C11orf87: variants seen among roughly 807,000 people sequenced by gnomAD.
The protein encoded by C11orf87 is uncharacterized protein C11orf87.
A neutral mutation model predicts 9.2 loss-of-function variants in C11orf87; 3 were observed. The observed-to-expected ratio is 0.33, with a 90% CI of 0.15 to 0.84. C11orf87 has a LOEUF of 0.84. C11orf87 is among the 40% of genes least tolerant of loss of function. The probability of loss-of-function intolerance (pLI) is 0.55; values close to 1 mark genes in which losing one functional copy is unlikely to be tolerated. For missense variants in C11orf87, 256 were observed against 270.7 expected (o/e 0.95, Z 0.38); for synonymous variants, 124 against 124.6 (o/e 1.00, Z 0.03).
At position 109,424,024 on chromosome 11, in the gene C11orf87, C is replaced by T. The variant is rs1860535073; in HGVS notation, c.391C>T (p.Leu131=). The T allele has an allele frequency of 6.2e-7, 1 of 1,613,940 alleles. No individual in the cohort carries two copies. The highest frequency in any genetic ancestry group is 1.3e-5 in the African/African-American group (1 of 74,946). Residue 131 remains leucine (L), a synonymous_variant, in exon 2 of 2, where the codon CTG becomes TTG. Coordinates refer to ENST00000327419, the MANE Select transcript of C11orf87 (RefSeq NM_207645.4). This position sits in a 1 kb window ranked among gnomAD's most constrained non-coding sequence, Gnocchi z 4.7. ...QAPTHAKETR[L]ERQPRDSPFC... is the part of the protein sequence containing the mutation. ...CCCAACCCACGCAAAGGAAACCCGG[C>T]TGGAGAGGCAGCCCCGGGACTCTCC...
Position 109,427,805 on chromosome 11 carries a change from A to T in C11orf87, c.*3578A>T, listed in dbSNP as rs1199781208. 2 of 152,158 alleles carry T rather than the reference A, an allele frequency of 1.3e-5. No individual in the cohort carries two copies. Among genetic ancestry groups the T allele is most frequent in the African/African-American group, 4.8e-5 (2 of 41,446 alleles). The allele number at this position is 152,158 out of a possible 1,614,324, so 9.4% of individuals were successfully genotyped here. A position where few individuals can be genotyped will look rare whatever the true frequency, so the allele number is the denominator to read the frequency against. The stretch of plus-strand genomic sequence containing the variant: ...TGGATATAATATTTAGACTTTATAT[A>T]CACCCATAGATATGTATTTATATAT... On this transcript the variant is annotated 3_prime_UTR_variant, in exon 2 of 2. Transcript: ENST00000327419.
rs762445675 is a variant in C11orf87, at chr11:109,424,250, C to T, written c.*23C>T. 6.4e-7 allele frequency: 1 copy of T among 1,574,626 alleles called. No homozygotes were observed. Among genetic ancestry groups the T allele is most frequent in the East Asian group, 2.3e-5 (1 of 44,370 alleles). ...TGATCGTCTAGCCCCTCTCGTTCCC[C>T]GTCCTCGTTTCCAGCATCTTTGCCA... On this transcript the variant is annotated 3_prime_UTR_variant, in exon 2 of 2. Transcript: ENST00000327419. The surrounding 1 kb of genome is among the most constrained non-coding windows in gnomAD (Gnocchi z 4.7).
intron 1 of C11orf87, among the ~76,000 whole-genome samples, chr11:109,422,541 G>A (rs1591273465): frequency 1.3e-5 from 2 of 152,260 alleles, no homozygotes; most frequent in African/African-American, 4.8e-5. Context: ...GGGCCTTTGG[G>A]CTGGGTCTGG....
At position 109,423,751 on chromosome 11, in the gene C11orf87, G is replaced by T. The variant is rs539271826; in HGVS notation, c.118G>T (p.Ala40Ser). The part of the protein sequence containing the change: ...SGNTGARGPG[A>S]VGSGTCITQV... ...CAACACGGGTGCCCGCGGCCCAGGC[G>T]CAGTAGGCAGCGGCACCTGCATCAC... The change falls in exon 2 of 2, where the codon GCA becomes TCA. Residue 40 changes from alanine (A) to serine (S), a missense_variant. Coordinates refer to ENST00000327419, the MANE Select transcript of C11orf87 (RefSeq NM_207645.4). This position sits in a 1 kb window ranked among gnomAD's most constrained non-coding sequence, Gnocchi z 5.3. 1.5e-5 allele frequency: 24 copies of T among 1,613,922 alleles called. No individual in the cohort carries two copies. The South Asian group carries it at 2.1e-4, about 14-fold the overall frequency.
In C11orf87 at chr11:109,427,911, A is replaced by AGTT. The variant is rs1860594337; in HGVS notation, c.*3688_*3690dup. On this transcript the variant is annotated 3_prime_UTR_variant, in exon 2 of 2. Transcript: ENST00000327419. ...ACAAGAATGAGATGGAAACCAAAAT[A>AGTT]GTTGTTCCATCCTCTTACCCAAAGA... 1 of 152,126 alleles carries AGTT rather than the reference A, an allele frequency of 6.6e-6. No homozygotes were observed. The highest frequency in any genetic ancestry group is 1.5e-5 in the Non-Finnish European group (1 of 67,982). The allele number at this position is 152,126 out of a possible 1,614,324, so 9.4% of individuals were successfully genotyped here. A position where few individuals can be genotyped will look rare whatever the true frequency, so the allele number is the denominator to read the frequency against.
rs1860599961 is a variant in C11orf87, at chr11:109,428,337, A to C, written c.*4110A>C. 6.6e-6 allele frequency: 1 copy of C among 152,202 alleles called. No homozygotes were observed. The highest frequency in any genetic ancestry group is 6.5e-5 in the Admixed American group (1 of 15,280). 9.4% of individuals were successfully genotyped at this position (152,202 alleles called of 1,614,324 possible). A position where few individuals can be genotyped will look rare whatever the true frequency, so the allele number is the denominator to read the frequency against. ...AATCATTTTTGGATAATATGGATAA[A>C]TTAGCTTTAAGAAACTTCTTTGACA... On this transcript the variant is annotated 3_prime_UTR_variant, in exon 2 of 2. Coordinates refer to ENST00000327419, the MANE Select transcript of C11orf87 (RefSeq NM_207645.4).
In C11orf87 at chr11:109,424,653, C is replaced by T; in HGVS notation, c.*426C>T. 6.0e-6 allele frequency: 1 copy of T among 167,514 alleles called. No homozygotes were observed. 10.4% of individuals were successfully genotyped at this position (167,514 alleles called of 1,614,324 possible). On this transcript the variant is annotated 3_prime_UTR_variant, in exon 2 of 2. Coordinates refer to ENST00000327419, the MANE Select transcript of C11orf87 (RefSeq NM_207645.4). This position sits in a 1 kb window ranked among gnomAD's most constrained non-coding sequence, Gnocchi z 4.7. The stretch of plus-strand genomic sequence containing the variant: ...CCGGAGCAAAGGGAGGGGAGGGGGC[C>T]CGGTAATGTACATAGCTGTCAAGTT...
Position 109,426,530 on chromosome 11 carries a change from A to T in C11orf87, c.*2303A>T, listed in dbSNP as rs1376346351. 6.6e-6 allele frequency: 1 copy of T among 152,204 alleles called. No homozygotes were observed. Among genetic ancestry groups the T allele is most frequent in the Non-Finnish European group, 1.5e-5 (1 of 68,036 alleles). 9.4% of individuals were successfully genotyped at this position (152,204 alleles called of 1,614,324 possible). A position where few individuals can be genotyped will look rare whatever the true frequency, so the allele number is the denominator to read the frequency against. On this transcript the variant is annotated 3_prime_UTR_variant, in exon 2 of 2. Coordinates refer to ENST00000327419, the MANE Select transcript of C11orf87 (RefSeq NM_207645.4). ...GCCATCTTGTAATATTAGGAAGACC[A>T]GGTATAATCTTTGGGTACAATATAT...
rs544747705 is a variant in C11orf87, at chr11:109,426,636, A to G, written c.*2409A>G. 16 of 151,598 alleles carry G rather than the reference A, an allele frequency of 1.1e-4. No individual in the cohort carries two copies. The East Asian group carries it at 3.1e-3, about 30-fold the overall frequency. The allele number at this position is 151,598 out of a possible 1,614,324, so 9.4% of individuals were successfully genotyped here. ...AAGAGTGCATTAACTCCCTCAGGCCACTAGGGAATCCTGTAGTGCATCAGA... is the reference window on the plus strand; with the variant it reads ...AAGAGTGCATTAACTCCCTCAGGCCGCTAGGGAATCCTGTAGTGCATCAGA... On this transcript the variant is annotated 3_prime_UTR_variant, in exon 2 of 2. Coordinates refer to ENST00000327419, the MANE Select transcript of C11orf87 (RefSeq NM_207645.4).
rs1860601325 is a variant in C11orf87, at chr11:109,428,466, G to C, written c.*4239G>C. The C allele has an allele frequency of 6.6e-6, 1 of 151,936 alleles. No individual in the cohort carries two copies. The highest frequency in any genetic ancestry group is 1.5e-5 in the Non-Finnish European group (1 of 67,934). The allele number at this position is 151,936 out of a possible 1,614,324, so 9.4% of individuals were successfully genotyped here. On this transcript the variant is annotated 3_prime_UTR_variant, in exon 2 of 2. Transcript: ENST00000327419. ...GACATATGCTTTCATGCTTTTCTGTGGGTGAAAGTTGAACAATTGCTAGCT... is the reference window on the plus strand; with the variant it reads ...GACATATGCTTTCATGCTTTTCTGTCGGTGAAAGTTGAACAATTGCTAGCT...
In C11orf87 at chr11:109,424,478, T is replaced by C. The variant is rs1282267836; in HGVS notation, c.*251T>C. On this transcript the variant is annotated 3_prime_UTR_variant, in exon 2 of 2. Transcript: ENST00000327419. The surrounding 1 kb of genome is among the most constrained non-coding windows in gnomAD (Gnocchi z 4.7). ...ACTTTATTAATATTTATAGTAATTA[T>C]TATAATACTAATAACACAATCCAAG... 1 of 248,106 alleles carries C rather than the reference T, an allele frequency of 4.0e-6. No homozygotes were observed. Among genetic ancestry groups the C allele is most frequent in the Non-Finnish European group, 8.1e-6 (1 of 123,428 alleles). 15.4% of individuals were successfully genotyped at this position (248,106 alleles called of 1,614,324 possible).
Position 109,425,848 on chromosome 11 carries a change from T to C in C11orf87, c.*1621T>C, listed in dbSNP as rs1016597766. 1.3e-5 allele frequency: 2 copies of C among 152,302 alleles called. No individual in the cohort carries two copies. The highest frequency in any genetic ancestry group is 2.9e-5 in the Non-Finnish European group (2 of 68,040). 9.4% of individuals were successfully genotyped at this position (152,302 alleles called of 1,614,324 possible). On this transcript the variant is annotated 3_prime_UTR_variant, in exon 2 of 2. Coordinates refer to ENST00000327419, the MANE Select transcript of C11orf87 (RefSeq NM_207645.4). ...AAGACATGCGAATTTCAAGAAAAGC[T>C]AGATCCAGTAATTACTTATAGGATA...
Position 109,424,096 on chromosome 11 carries a change from G to C in C11orf87, c.463G>C (p.Gly155Arg). The C allele has an allele frequency of 6.2e-7, 1 of 1,613,840 alleles. No homozygotes were observed. Among genetic ancestry groups the C allele is most frequent in the East Asian group, 2.2e-5 (1 of 44,850 alleles). The change falls in exon 2 of 2, where the codon GGC (glycine) becomes CGC (arginine). Residue 155 changes from glycine to arginine, a missense_variant. Gly to Arg is a moderately radical substitution (Grantham distance 125). Transcript: ENST00000327419. This position sits in a 1 kb window ranked among gnomAD's most constrained non-coding sequence, Gnocchi z 4.7. Reference sequence around the variant, plus strand: ...CTCGTCGTTGTCCTCTTCGTCCCCTGGCCTCCCGTGCCAGGGTCCCTGTGC... The same window carrying C: ...CTCGTCGTTGTCCTCTTCGTCCCCTCGCCTCCCGTGCCAGGGTCCCTGTGC... ...NASSLSSSSPGLPCQGPCAPP... is the reference protein window; with the variant it reads ...NASSLSSSSPRLPCQGPCAPP...
At position 109,429,043 on chromosome 11, in the gene C11orf87, G is replaced by A. The variant is rs548006485; in HGVS notation, c.*4816G>A. The A allele has an allele frequency of 6.6e-6, 1 of 152,202 alleles. No individual in the cohort carries two copies. The highest frequency in any genetic ancestry group is 2.4e-5 in the African/African-American group (1 of 41,536). 9.4% of individuals were successfully genotyped at this position (152,202 alleles called of 1,614,324 possible). ...TGAACTTGAGTATATCCAATAGATA[G>A]AAGAAAAAAGATATTAGAATTCATG... On this transcript the variant is annotated 3_prime_UTR_variant, in exon 2 of 2. Coordinates refer to ENST00000327419, the MANE Select transcript of C11orf87 (RefSeq NM_207645.4).
chr11:109,424,121 C>A lies in C11orf87; in HGVS notation c.488C>A (p.Ala163Asp). Residue 163 changes from alanine (A) to aspartate (D), a missense_variant, in exon 2 of 2, where the codon GCT becomes GAT. Transcript: ENST00000327419. The surrounding 1 kb of genome is among the most constrained non-coding windows in gnomAD (Gnocchi z 4.7). ...GGCCTCCCGTGCCAGGGTCCCTGTGCTCCTCCGCCTCCACCGCCAGCCTCC... is the reference window on the plus strand; with the variant it reads ...GGCCTCCCGTGCCAGGGTCCCTGTGATCCTCCGCCTCCACCGCCAGCCTCC... Reference protein sequence around the residue: ...SPGLPCQGPCAPPPPPPASSP... With the variant: ...SPGLPCQGPCDPPPPPPASSP... 6.2e-7 allele frequency: 1 copy of A among 1,613,946 alleles called. No homozygotes were observed. Among genetic ancestry groups the A allele is most frequent in the Non-Finnish European group, 8.5e-7 (1 of 1,180,036 alleles).
rs1565250046 is a variant in C11orf87, at chr11:109,423,545, G to A, written c.-89G>A. 8 of 1,344,288 alleles carry A rather than the reference G, an allele frequency of 6.0e-6. No individual in the cohort carries two copies. In the South Asian group the frequency reaches 7.0e-5, roughly 12 times the overall value. The allele number at this position is 1,344,288 out of a possible 1,614,324, so 83.3% of individuals were successfully genotyped here. On this transcript the variant is annotated 5_prime_UTR_variant, in exon 2 of 2. Coordinates refer to ENST00000327419, the MANE Select transcript of C11orf87 (RefSeq NM_207645.4). The surrounding 1 kb of genome is among the most constrained non-coding windows in gnomAD (Gnocchi z 5.3). ...CCGCTACAGGGAGCAGTTTTGGGTG[G>A]CGTGGGCTCCGTCCTCTTCTTGGCT... is the stretch of plus-strand genomic sequence containing the variant.
In C11orf87 at chr11:109,424,393, C is replaced by T. The variant is rs771406627; in HGVS notation, c.*166C>T. On this transcript the variant is annotated 3_prime_UTR_variant, in exon 2 of 2. Coordinates refer to ENST00000327419, the MANE Select transcript of C11orf87 (RefSeq NM_207645.4). This position sits in a 1 kb window ranked among gnomAD's most constrained non-coding sequence, Gnocchi z 4.7. ...GTTTCTCCTCCGCCGAGGCACTGTG[C>T]GGTATTTGTAAATATTGGGCGAGGA... is the stretch of plus-strand genomic sequence containing the variant. 5.0e-6 allele frequency: 3 copies of T among 598,518 alleles called. No homozygotes were observed. The highest frequency in any genetic ancestry group is 6.7e-5 in the Admixed American group (2 of 30,010). 37.1% of individuals were successfully genotyped at this position (598,518 alleles called of 1,614,324 possible).
chr11:109,423,589 A>C lies in C11orf87; in HGVS notation c.-45A>C, dbSNP rs1464027232. 6.5e-7 allele frequency: 1 copy of C among 1,528,534 alleles called. No individual in the cohort carries two copies. Among genetic ancestry groups the C allele is most frequent in the Non-Finnish European group, 8.7e-7 (1 of 1,144,670 alleles). The allele number at this position is 1,528,534 out of a possible 1,614,324, so 94.7% of individuals were successfully genotyped here. On this transcript the variant is annotated 5_prime_UTR_variant, in exon 2 of 2. Coordinates refer to ENST00000327419, the MANE Select transcript of C11orf87 (RefSeq NM_207645.4). This position sits in a 1 kb window ranked among gnomAD's most constrained non-coding sequence, Gnocchi z 5.3. ...CTTGGCTGGTAGGAACGGTGTGCCCAAGAGGGGAAGCCTAGTGGGCCTGGC... is the reference window on the plus strand; with the variant it reads ...CTTGGCTGGTAGGAACGGTGTGCCCCAGAGGGGAAGCCTAGTGGGCCTGGC...
At position 109,428,211 on chromosome 11, in the gene C11orf87, AT is replaced by A. The variant is rs1860598561; in HGVS notation, c.*3991del. 4 of 152,078 alleles carry A rather than the reference AT, an allele frequency of 2.6e-5. No homozygotes were observed. In the South Asian group the frequency reaches 8.3e-4, roughly 31 times the overall value. 9.4% of individuals were successfully genotyped at this position (152,078 alleles called of 1,614,324 possible). On this transcript the variant is annotated 3_prime_UTR_variant, in exon 2 of 2. Coordinates refer to ENST00000327419, the MANE Select transcript of C11orf87 (RefSeq NM_207645.4). ...AACCTGGAACCTGGATTGTGGTTTGATTTTTTTCATTTTCAACCTATATGTT... is the reference window on the plus strand; with the variant it reads ...AACCTGGAACCTGGATTGTGGTTTGATTTTTTCATTTTCAACCTATATGTT...
Sources: allele counts gnomAD v4.1 joint callset (sites outside exome capture counted in the v4.1 genomes callset), GRCh38; gene constraint gnomAD v4.1.1; non-coding constraint Gnocchi (gnomAD v3.1); transcripts MANE v1.5; gene names NCBI Gene and HGNC (gene_info 2026-07-23, HGNC 2026-07-21).